Variants in TREML4 observed in about 807,000 individuals in gnomAD.
TREML4 encodes triggering receptor expressed on myeloid cells like 4.
A neutral mutation model predicts 25.4 loss-of-function variants in TREML4; 25 were observed. The observed-to-expected ratio is 0.98, with a 90% CI of 0.72 to 1.37. The LOEUF (loss-of-function observed/expected upper bound fraction) is 1.37. Among genes scored for constraint, TREML4 ranks in the 40% most tolerant of loss-of-function variants. The pLI, the probability that TREML4 is intolerant of heterozygous loss-of-function variation, is 0.00. For missense variants in TREML4, 268 were observed against 236.5 expected, an observed-to-expected ratio of 1.13 and a Z score of -0.87; for synonymous variants, 92 against 87.9, an observed-to-expected ratio of 1.05 and a Z score of -0.26.
chr6:41,231,169 C>A, intron 4 of TREML4: 1 of 383,430 alleles, frequency 2.6e-6, no homozygotes, highest in Non-Finnish European at 5.4e-6. Context: ...TATATTACAA[C>A]ATGATAATAA....
intron 4 of TREML4, among the ~76,000 whole-genome samples, chr6:41,231,291 A>C (rs897376953): frequency 6.6e-6 from 1 of 152,132 alleles, no homozygotes; most frequent in Non-Finnish European, 1.5e-5. Context: ...AGGCGCCAAA[A>C]AGGTTGGGGA....
At position 41,228,818 on chromosome 6, in the gene TREML4, G is replaced by A. The variant is rs1766729032; in HGVS notation, c.168G>A (p.Gln56=). 10 of 1,614,140 alleles carry A rather than the reference G, an allele frequency of 6.2e-6. No individual in the cohort carries two copies. The highest frequency in any genetic ancestry group is 7.6e-6 in the Non-Finnish European group (9 of 1,180,012). The change falls in exon 2 of 6, where the codon CAG becomes CAA. Residue 56 remains glutamine (Q), a synonymous_variant. Transcript: ENST00000341495. ...CCTATCAGCCCAAATCCTGGTGTCA[G>A]CAGACATCTCCAAGTCGGTGTACCT... ...RGPYQPKSWC[Q]QTSPSRCTLL... is the part of the protein sequence containing the mutation.
intron 3 of TREML4, 52 bp from the exon 4 acceptor site, chr6:41,230,009 AT>A (rs1766756733): frequency 6.8e-7 from 1 of 1,481,462 alleles, no homozygotes; most frequent in Non-Finnish European, 9.4e-7. Flanking sequence ...ACCCAATCCC[AT>A]TCTCTATTCT....
chr6:41,229,603 G>A lies in TREML4; in HGVS notation c.445+32G>A, dbSNP rs751695591. On this transcript the variant is annotated intron_variant, in intron 3 of 5. Coordinates refer to ENST00000341495, the MANE Select transcript of TREML4 (RefSeq NM_198153.3). ...TGGAGGCCTCGGTGGGGGAAGATTA[G>A]AAGGGTCACCAGGCAGCTTGGGAGC... 95 of 1,611,914 alleles carry A rather than the reference G, an allele frequency of 5.9e-5. 1 individual carries two copies. The highest frequency in any genetic ancestry group is 2.3e-4 in the South Asian group (21 of 91,024).
intron 2 of TREML4, 41 bp downstream of exon 2, chr6:41,229,085 C>A (rs777699528): frequency 2.6e-6 from 4 of 1,544,286 alleles, no homozygotes; most frequent in Non-Finnish European, 3.5e-6. Flanking sequence ...TGCCACCCCC[C>A]AGGGACCTGA....
rs752282271 is a variant in TREML4 at position 41,229,039 on chromosome 6, C to T, written c.389C>T (p.Ser130Phe). 6.2e-7 allele frequency: 1 copy of T among 1,610,694 alleles called. No individual in the cohort carries two copies. Among genetic ancestry groups the T allele is most frequent in the East Asian group, 2.2e-5 (1 of 44,860 alleles). Residue 130 changes from serine (S) to phenylalanine (F), a missense_variant, in exon 2 of 6, where the codon TCT becomes TTT. Coordinates refer to ENST00000341495, the MANE Select transcript of TREML4 (RefSeq NM_198153.3). ...CTTAGAAATATCAGCCTGGTGGTGT[C>T]TCCAGGTGAGCTCTTTTCTTGAGGA... ...TVLRNISLVV[S>F]PAPTTSPMWT...
intron 4 of TREML4, among the ~76,000 whole-genome samples, chr6:41,234,493 A>G (rs1376325923): frequency 2.6e-5 from 4 of 151,210 alleles, no homozygotes; most frequent in African/African-American, 9.7e-5. Context: ...GTTTGCTAAG[A>G]TAGACATGTT....
At position 41,228,950 on chromosome 6, in the gene TREML4, A is replaced by G. The variant is rs903660210; in HGVS notation, c.300A>G (p.Thr100=). The G allele has an allele frequency of 9.3e-6, 15 of 1,613,936 alleles. No homozygotes were observed. In the Middle Eastern group the frequency reaches 4.9e-4, roughly 53 times the overall value. Residue 100 remains threonine, a synonymous_variant, in exon 2 of 6, where the codon ACA becomes ACG. Transcript: ENST00000341495. ...GFFNITMIQL[T]QNDSGFYWCG... ...TCAACATCACCATGATTCAGCTGAC[A>G]CAGAATGACTCGGGATTCTACTGGT...
chr6:41,234,236 T>A (rs188719258), intron 4 of TREML4, among the ~76,000 whole-genome samples: 8 of 152,088 alleles, frequency 5.3e-5, no homozygotes. Context: ...ATATGAATGT[T>A]TAAGTATGCA....
chr6:41,236,654 C>G, intron 5 of TREML4, 37 bp downstream of exon 5: 1 of 1,212,524 alleles, frequency 8.2e-7, no homozygotes, highest in South Asian at 1.3e-5. Context: ...GGCAATGGAG[C>G]TGGGGCCAGA....
At chr6:41,228,633 C>T in intron 1 of TREML4, 81 bp from the exon 2 acceptor site, 2 of 1,519,634 alleles carry the variant, frequency 1.3e-6, no homozygotes, top group Non-Finnish European at 1.8e-6. Flanking sequence ...TTCCCCCTCC[C>T]CTTCCCCAGC....
At chr6:41,231,386 C>T (rs753610215) in intron 4 of TREML4, among the ~76,000 whole-genome samples, 1 of 151,850 alleles carries the variant, frequency 6.6e-6, no homozygotes, top group Non-Finnish European at 1.5e-5. Flanking sequence ...TTACCAGATC[C>T]GTATCTAATA....
rs1202866717 is a variant in TREML4, at chr6:41,237,079, T to C, written c.*60T>C. The C allele has an allele frequency of 1.3e-5, 2 of 155,850 alleles. No individual in the cohort carries two copies. The highest frequency in any genetic ancestry group is 2.4e-5 in the African/African-American group (1 of 41,472). 9.7% of individuals were successfully genotyped at this position (155,850 alleles called of 1,614,324 possible). A position where few individuals can be genotyped will look rare whatever the true frequency, so the allele number is the denominator to read the frequency against. The stretch of plus-strand genomic sequence containing the variant: ...GGACAGCAGTGACGAGGTTTCTGAT[T>C]GTCCCAGCACAGCCTTGTCCCAGGA... On this transcript the variant is annotated 3_prime_UTR_variant, in exon 6 of 6. Coordinates refer to ENST00000341495, the MANE Select transcript of TREML4 (RefSeq NM_198153.3).
At chr6:41,234,059 A>G (rs1766853370) in intron 4 of TREML4, among the ~76,000 whole-genome samples, 1 of 151,906 alleles carries the variant, frequency 6.6e-6, no homozygotes, top group Non-Finnish European at 1.5e-5. Context: ...AAATACATGA[A>G]ATGTATTTAC....
In TREML4 at chr6:41,228,487, T is replaced by G. The variant is rs1766720329; in HGVS notation, c.60T>G (p.Pro20=). The change falls in exon 1 of 6, where the codon CCT becomes CCG. Residue 20 remains proline (P), a synonymous_variant. Coordinates refer to ENST00000341495, the MANE Select transcript of TREML4 (RefSeq NM_198153.3). ...CFHLCCCCSW[P]QGAVPEELHK... is the part of the protein sequence containing the mutation. ...ACCTGTGCTGCTGCTGCTCCTGGCC[T>G]CAGGTGACATGGAGGGAAAGAGTGC... 6.2e-7 allele frequency: 1 copy of G among 1,612,470 alleles called. No homozygotes were observed. The highest frequency in any genetic ancestry group is 8.5e-7 in the Non-Finnish European group (1 of 1,179,456).
chr6:41,228,897 A>G lies in TREML4; in HGVS notation c.247A>G (p.Ile83Val). The G allele has an allele frequency of 6.2e-7, 1 of 1,614,144 alleles. No individual in the cohort carries two copies. Among genetic ancestry groups the G allele is most frequent in the Non-Finnish European group, 8.5e-7 (1 of 1,180,014 alleles). The change falls in exon 2 of 6, where the codon ATC becomes GTC. Residue 83 changes from isoleucine (I) to valine (V), a missense_variant. Ile to Val is a conservative substitution (Grantham distance 29). Coordinates refer to ENST00000341495, the MANE Select transcript of TREML4 (RefSeq NM_198153.3). Reference sequence around the variant, plus strand: ...AGCAGTTCAGAAGTCTCATTACACAATCTGGGACAAGCCCAATGCTGGCTT... The same window carrying G: ...AGCAGTTCAGAAGTCTCATTACACAGTCTGGGACAAGCCCAATGCTGGCTT... The part of the protein sequence containing the change: ...WTAVQKSHYT[I>V]WDKPNAGFFN...
Position 41,228,502 on chromosome 6 carries a change from G to A in TREML4, c.63+12G>A. Reference sequence around the variant, plus strand: ...GCTCCTGGCCTCAGGTGACATGGAGGGAAAGAGTGCAGGGGGTGTAAGGAG... The same window carrying A: ...GCTCCTGGCCTCAGGTGACATGGAGAGAAAGAGTGCAGGGGGTGTAAGGAG... On this transcript the variant is annotated intron_variant, in intron 1 of 5. Coordinates refer to ENST00000341495, the MANE Select transcript of TREML4 (RefSeq NM_198153.3). 6.2e-7 allele frequency: 1 copy of A among 1,611,402 alleles called. No homozygotes were observed. The highest frequency in any genetic ancestry group is 2.2e-5 in the East Asian group (1 of 44,850).
chr6:41,234,272 C>G (rs1259555489), intron 4 of TREML4, among the ~76,000 whole-genome samples: 1 of 151,790 alleles, frequency 6.6e-6, no homozygotes, highest in Non-Finnish European at 1.5e-5. Context: ...ATAATATGAC[C>G]ACTATATATC....
chr6:41,232,396 G>GA, intron 4 of TREML4: 1 of 419,890 alleles, frequency 2.4e-6, no homozygotes, highest in Non-Finnish European at 4.9e-6. Flanking sequence ...AAGAACAAGA[G>GA]AAAATACATT....
Sources: allele counts gnomAD v4.1 joint callset (sites outside exome capture counted in the v4.1 genomes callset), GRCh38; gene constraint gnomAD v4.1.1; transcripts MANE v1.5; gene names NCBI Gene and HGNC (gene_info 2026-07-23, HGNC 2026-07-21).